CMAS: variants seen among roughly 807,000 people sequenced by gnomAD.
CMAS encodes cytidine monophosphate N-acetylneuraminic acid synthetase.
A neutral mutation model predicts 53.4 loss-of-function variants in CMAS; 21 were observed. The ratio of observed to expected loss-of-function variants is 0.39; its 90% confidence interval spans 0.28 to 0.57. CMAS has a LOEUF of 0.57. Among genes scored for constraint, CMAS ranks in the 20% least tolerant of loss-of-function variants. The probability of loss-of-function intolerance (pLI) is 0.56; values close to 1 mark genes in which losing one functional copy is unlikely to be tolerated. For missense variants in CMAS, 384 were observed against 534.9 expected, an observed-to-expected ratio of 0.72 and a Z score of 2.78; for synonymous variants, 189 against 195.2, an observed-to-expected ratio of 0.97 and a Z score of 0.27.
intron 6 of CMAS, 51 bp from the exon 7 acceptor site, chr12:22,062,230 C>CT: frequency 6.7e-7 from 1 of 1,499,610 alleles, no homozygotes; most frequent in Non-Finnish European, 8.9e-7. Context: ...GTTTTCTTCA[C>CT]TTTTTAATTT....
Position 22,065,080 on chromosome 12 carries a change from G to T in CMAS, c.1115-41G>T. The T allele has an allele frequency of 6.7e-7, 1 of 1,502,750 alleles. No individual in the cohort carries two copies. Among genetic ancestry groups the T allele is most frequent in the Non-Finnish European group, 9.1e-7 (1 of 1,098,332 alleles). 93.1% of individuals were successfully genotyped at this position (1,502,750 alleles called of 1,614,324 possible). ...GCATTATTTAGCTAGAATATTCTTT[G>T]TCTCTTTAAATGTTTGCTCAGTATT... On this transcript the variant is annotated intron_variant, in intron 7 of 7. Coordinates refer to ENST00000229329, the MANE Select transcript of CMAS (RefSeq NM_018686.6).
In CMAS at chr12:22,061,280, G is replaced by C. The variant is rs760932602; in HGVS notation, c.789-1G>C. 1 of 1,610,720 alleles carries C rather than the reference G, an allele frequency of 6.2e-7. No individual in the cohort carries two copies. ...CAAAGGTCTATTTTGGTTTCTTTTA[G>C]ATATGGCTATTTTGGCAAAGAGAAG... On this transcript the variant is annotated splice_acceptor_variant, in intron 5 of 7. Coordinates refer to ENST00000229329, the MANE Select transcript of CMAS (RefSeq NM_018686.6). LOFTEE classifies it high-confidence loss of function.
chr12:22,046,873 C>G lies in CMAS; in HGVS notation c.260+310C>G, dbSNP rs1950210409. Among the ~76,000 whole-genome samples, 3 of 152,114 alleles carry G rather than the reference C, an allele frequency of 2.0e-5. No homozygotes were observed. The South Asian group carries it at 6.2e-4, about 31-fold the overall frequency. ...GTCCCCTCCTCCCGGGTTGACCTTA[C>G]GGGGAAAAGTAAAGGAGGCCACCCC... is the stretch of plus-strand genomic sequence containing the variant. On this transcript the variant is annotated intron_variant, in intron 1 of 7. Transcript: ENST00000229329.
chr12:22,047,542 G>A (rs531584034), intron 1 of CMAS, among the ~76,000 whole-genome samples: 70 of 152,152 alleles, frequency 4.6e-4, no homozygotes, highest in Middle Eastern at 3.4e-3. Flanking sequence ...CATTTAACCA[G>A]TCTTGTTCAA....
In CMAS at chr12:22,058,618, G is replaced by A. The variant is rs879116870; in HGVS notation, c.611G>A (p.Arg204Gln). The A allele has an allele frequency of 3.1e-6, 5 of 1,613,538 alleles. No homozygotes were observed. The highest frequency in any genetic ancestry group is 3.4e-6 in the Non-Finnish European group (4 of 1,179,760). Residue 204 changes from arginine to glutamine, a missense_variant, in exon 4 of 8, where the codon CGA (arginine) becomes CAA (glutamine). Arg to Gln is a conservative substitution (Grantham distance 43). Coordinates refer to ENST00000229329, the MANE Select transcript of CMAS (RefSeq NM_018686.6). ...TTAAATCCAGCTAAACGGCCTCGTC[G>A]ACAAGACTGGGATGGAGAATTATAT... ...LNLNPAKRPR[R>Q]QDWDGELYEN...
At chr12:22,053,364 T>C (rs916140816) in intron 1 of CMAS, among the ~76,000 whole-genome samples, 1 of 142,112 alleles carries the variant, frequency 7.0e-6, no homozygotes, top group African/African-American at 2.6e-5. Context: ...GAAAAATATA[T>C]ATGTGTGTGT....
chr12:22,058,434 AAAAG>A, intron 3 of CMAS, 129 bp from the exon 4 acceptor site: 2 of 808,138 alleles, frequency 2.5e-6, no homozygotes, highest in Non-Finnish European at 3.8e-6. Context: ...CAAAAAAAAA[AAAAG>A]AAAAGTTCTT....
intron 4 of CMAS, 103 bp downstream of exon 4, chr12:22,058,803 A>T: frequency 7.4e-7 from 1 of 1,360,224 alleles, no homozygotes; most frequent in Non-Finnish European, 1.0e-6. Flanking sequence ...AAAGAAAAGT[A>T]TCAACCTATA....
chr12:22,063,530 G>A (rs1950322580), intron 7 of CMAS, among the ~76,000 whole-genome samples: 1 of 151,920 alleles, frequency 6.6e-6, no homozygotes, highest in Admixed American at 6.6e-5. Context: ...GAAAAACAAA[G>A]ATAATATAAA....
intron 1 of CMAS, among the ~76,000 whole-genome samples, chr12:22,053,696 G>A (rs1292366870): frequency 5.4e-5 from 8 of 149,422 alleles, no homozygotes; most frequent in South Asian, 2.1e-4. Flanking sequence ...TGGCTAACAC[G>A]GTGAAACCCC....
intron 4 of CMAS, 137 bp downstream of exon 4, chr12:22,058,837 A>G: frequency 1.0e-6 from 1 of 990,982 alleles, no homozygotes; most frequent in Non-Finnish European, 1.4e-6. Context: ...AGCCAACAAC[A>G]TTTGCTATCT....
chr12:22,046,768 C>T (rs1459954542), intron 1 of CMAS, among the ~76,000 whole-genome samples: 2 of 152,170 alleles, frequency 1.3e-5, no homozygotes, highest in African/African-American at 2.4e-5. Context: ...TCCGTAGCTG[C>T]CAATGGTCAT....
At chr12:22,055,336 C>G (rs1397925107) in intron 2 of CMAS, 45 bp downstream of exon 2, 1 of 1,503,074 alleles carries the variant, frequency 6.7e-7, no homozygotes, top group Non-Finnish European at 9.0e-7. Flanking sequence ...ATGTACTTTT[C>G]TACTTCCTTT....
At chr12:22,053,507 C>A (rs1950248751) in intron 1 of CMAS, among the ~76,000 whole-genome samples, 1 of 138,038 alleles carries the variant, frequency 7.2e-6, no homozygotes, top group African/African-American at 2.8e-5. Flanking sequence ...TATATACACA[C>A]CAAATATATA....
intron 4 of CMAS, among the ~76,000 whole-genome samples, chr12:22,060,421 A>G (rs1395973854): frequency 2.0e-5 from 3 of 147,742 alleles, no homozygotes; most frequent in Admixed American, 6.9e-5. Context: ...TTGAGGCCTC[A>G]AGAGGATAGC....
chr12:22,065,068 A>C, intron 7 of CMAS, 53 bp from the exon 8 acceptor site: 220 of 1,347,502 alleles, frequency 1.6e-4, no homozygotes, highest in Non-Finnish European at 2.1e-4. Flanking sequence ...TTATTTAGCT[A>C]GAATATTCTT....
chr12:22,058,717 T>C lies in CMAS; in HGVS notation c.693+17T>C. Reference sequence around the variant, plus strand: ...TACTTGCAGGTTTGTACCTTCATTTTGCATAACCCTTTTAAGCGCTTTTGT... The same window carrying C: ...TACTTGCAGGTTTGTACCTTCATTTCGCATAACCCTTTTAAGCGCTTTTGT... On this transcript the variant is annotated intron_variant, in intron 4 of 7. Coordinates refer to ENST00000229329, the MANE Select transcript of CMAS (RefSeq NM_018686.6). 1 of 1,610,194 alleles carries C rather than the reference T, an allele frequency of 6.2e-7. No individual in the cohort carries two copies. Among genetic ancestry groups the C allele is most frequent in the Non-Finnish European group, 8.5e-7 (1 of 1,178,272 alleles).
At chr12:22,047,192 G>A (rs1320762137) in intron 1 of CMAS, among the ~76,000 whole-genome samples, 3 of 152,086 alleles carry the variant, frequency 2.0e-5, no homozygotes, top group Non-Finnish European at 4.4e-5. Flanking sequence ...ACTGTTTTAT[G>A]ATATATTAAT....
chr12:22,050,700 T>C (rs908601945), intron 1 of CMAS, among the ~76,000 whole-genome samples: 3 of 152,168 alleles, frequency 2.0e-5, no homozygotes, highest in Non-Finnish European at 2.9e-5. Context: ...CTGTTGTGTA[T>C]GTTGTGAAGG....
Sources: allele counts gnomAD v4.1 joint callset (sites outside exome capture counted in the v4.1 genomes callset), GRCh38; gene constraint gnomAD v4.1.1; transcripts MANE v1.5; gene names NCBI Gene and HGNC (gene_info 2026-07-23, HGNC 2026-07-21).